Variants in SDK1 observed in about 807,000 individuals in gnomAD.
SDK1 encodes protein sidekick-1.
SDK1 carries 157 observed loss-of-function variants against 245.5 expected under a neutral mutation model. That is an observed-to-expected ratio of 0.64 (90% CI 0.56 to 0.73). The LOEUF (loss-of-function observed/expected upper bound fraction) is 0.73, where lower values mean the gene tolerates loss of function less well. Ranked by LOEUF, SDK1 falls within the 30% of genes least tolerant of loss-of-function variation. The pLI is 0.00. For missense variants in SDK1, 3,583 were observed against 3,002.3 expected (o/e 1.19, Z -4.52); for synonymous variants, 1,647 against 1,278.5 (o/e 1.29, Z -6.15).
chr7:4,060,772 T>C (rs1779488013), intron 19 of SDK1, among the ~76,000 whole-genome samples: 1 of 152,228 alleles, frequency 6.6e-6, no homozygotes, highest in Non-Finnish European at 1.5e-5. Flanking sequence ...TTTATGGTTT[T>C]AGGTCTAACG....
At chr7:4,027,119 G>A (rs1054922153) in intron 17 of SDK1, among the ~76,000 whole-genome samples, 11 of 152,332 alleles carry the variant, frequency 7.2e-5, no homozygotes, top group African/African-American at 2.6e-4. Flanking sequence ...TCGGCTCCCA[G>A]CCCCTGGCTT....
chr7:3,648,219 A>G (rs1782907316), intron 4 of SDK1, among the ~76,000 whole-genome samples: 1 of 152,136 alleles, frequency 6.6e-6, no homozygotes. Context: ...TATCGATGCC[A>G]TGCTGTACTT....
intron 1 of SDK1, among the ~76,000 whole-genome samples, chr7:3,308,912 A>G (rs766413971): frequency 1.3e-5 from 2 of 152,144 alleles, no homozygotes; most frequent in African/African-American, 4.8e-5. Flanking sequence ...TAACCACGTA[A>G]TGACTATGGT....
intron 14 of SDK1, among the ~76,000 whole-genome samples, chr7:4,004,453 T>C (rs1178196729): frequency 6.6e-6 from 1 of 152,226 alleles, no homozygotes; most frequent in Non-Finnish European, 1.5e-5. Context: ...CTCATTCATA[T>C]AAAAATGCAA....
intron 1 of SDK1, among the ~76,000 whole-genome samples, chr7:3,503,409 G>C (rs1021757578): frequency 6.6e-6 from 1 of 152,166 alleles, no homozygotes; most frequent in Non-Finnish European, 1.5e-5. Flanking sequence ...GTGGGGTGTG[G>C]TGGCTCATGC....
intron 1 of SDK1, among the ~76,000 whole-genome samples, chr7:3,475,276 C>T (rs1261502867): frequency 6.6e-6 from 1 of 152,152 alleles, no homozygotes; most frequent in Non-Finnish European, 1.5e-5. Flanking sequence ...CTTGTTCTCC[C>T]CTCTGTCTGG....
chr7:3,457,811 T>G (rs1780716787), intron 1 of SDK1, among the ~76,000 whole-genome samples: 2 of 152,192 alleles, frequency 1.3e-5, no homozygotes, highest in African/African-American at 2.4e-5. Flanking sequence ...TTACCCTGAT[T>G]CCTTGGACTC....
chr7:3,804,487 A>G (rs1430637376), intron 4 of SDK1, among the ~76,000 whole-genome samples: 1 of 152,192 alleles, frequency 6.6e-6, no homozygotes, highest in Non-Finnish European at 1.5e-5. Context: ...ATATAGCTGT[A>G]TATCTGGTAG....
intron 5 of SDK1, among the ~76,000 whole-genome samples, chr7:3,946,824 A>G (rs1434338731): frequency 6.6e-6 from 1 of 152,200 alleles, no homozygotes; most frequent in Non-Finnish European, 1.5e-5. Context: ...TCTGTGTTTA[A>G]AGGGAGCTGG....
chr7:4,238,030 G>T (rs916480694), intron 42 of SDK1, among the ~76,000 whole-genome samples: 31 of 151,940 alleles, frequency 2.0e-4, no homozygotes, highest in Middle Eastern at 3.2e-3. Context: ...TTGGATAAGG[G>T]CGTATGAGTC....
chr7:3,676,322 C>CTTTT (rs3086109), intron 4 of SDK1, among the ~76,000 whole-genome samples: 1 of 133,338 alleles, frequency 7.5e-6, no homozygotes, highest in African/African-American at 2.8e-5. Flanking sequence ...TCTTCTAGTA[C>CTTTT]TTTTTTTTTT....
chr7:4,018,800 T>C (rs572071950), intron 17 of SDK1, among the ~76,000 whole-genome samples: 5 of 152,242 alleles, frequency 3.3e-5, no homozygotes, highest in African/African-American at 9.6e-5. Context: ...GTGAGTGACA[T>C]GAGCAAAATG....
In SDK1 at chr7:4,113,418, C is replaced by T. The variant is rs931384978; in HGVS notation, c.3564C>T (p.Thr1188=). ...TCACGGTCCGTACTGCCAGTGAGAC[C>T]AGCCTGCGGCTTCGCTGGGTGGTGA... ...TSVTVRTASE[T]SLRLRWVPLP... The change falls in exon 24 of 45, where the codon ACC becomes ACT. Residue 1188 remains threonine (T), a synonymous_variant. Transcript: ENST00000404826. 1 of 1,613,852 alleles carries T rather than the reference C, an allele frequency of 6.2e-7. No individual in the cohort carries two copies. Among genetic ancestry groups the T allele is most frequent in the Non-Finnish European group, 8.5e-7 (1 of 1,180,032 alleles).
chr7:4,181,409 A>G (rs764343760), intron 35 of SDK1, among the ~76,000 whole-genome samples: 35 of 151,890 alleles, frequency 2.3e-4, no homozygotes, highest in Non-Finnish European at 4.7e-4. Context: ...AGTGTGGGAG[A>G]GCGAAGAGCT....
At chr7:3,928,031 T>C (rs1014403204) in intron 5 of SDK1, among the ~76,000 whole-genome samples, 14 of 152,308 alleles carry the variant, frequency 9.2e-5, no homozygotes, top group Admixed American at 6.5e-4. Flanking sequence ...CACTAGGAAA[T>C]TGACGACTTA....
At chr7:3,658,996 C>T (rs1318706198) in intron 4 of SDK1, among the ~76,000 whole-genome samples, 1 of 152,134 alleles carries the variant, frequency 6.6e-6, no homozygotes, top group Non-Finnish European at 1.5e-5. Flanking sequence ...CATCTTTCTT[C>T]CCACTTCTCA....
chr7:3,978,608 T>C (rs955648243), intron 13 of SDK1, among the ~76,000 whole-genome samples: 10 of 152,162 alleles, frequency 6.6e-5, no homozygotes, highest in Non-Finnish European at 1.3e-4. Flanking sequence ...TGTCTTTAGA[T>C]CCAACAGAGC....
In SDK1 at chr7:3,625,942, C is replaced by CTTTT. The variant is rs3086084; in HGVS notation, c.458+6717_458+6720dup. 9.8e-3 allele frequency among the ~76,000 whole-genome samples: 1,270 copies of CTTTT among 129,708 alleles called. 26 individuals are homozygous for CTTTT. The highest frequency in any genetic ancestry group is 0.018 in the African/African-American group (619 of 34,360). 85.1% of individuals were successfully genotyped at this position (129,708 alleles called of 152,430 possible). A position where few individuals can be genotyped will look rare whatever the true frequency, so the allele number is the denominator to read the frequency against. ...GGATTTTTCTTTCTTTCTTTTCTTTCTTTTTTTTTTTTTTTTTGAGGGAGA... is the reference window on the plus strand; with the variant it reads ...GGATTTTTCTTTCTTTCTTTTCTTTCTTTTTTTTTTTTTTTTTTTTTGAGGGAGA... On this transcript the variant is annotated intron_variant, in intron 2 of 44. Transcript: ENST00000404826.
chr7:3,493,336 C>G lies in SDK1; in HGVS notation c.299-125744C>G, dbSNP rs572336851. 3.3e-5 allele frequency among the ~76,000 whole-genome samples: 5 copies of G among 152,336 alleles called. No homozygotes were observed. In the South Asian group the frequency reaches 6.2e-4, roughly 19 times the overall value. On this transcript the variant is annotated intron_variant, in intron 1 of 44. Coordinates refer to ENST00000404826, the MANE Select transcript of SDK1 (RefSeq NM_152744.4). ...GTCCATTCAGGACATTTCTTCACAG[C>G]TAAACTCTACCTCAGTTTTTAATCT...
Sources: gnomAD v4.1 joint callset for allele counts (sites outside exome capture counted in the v4.1 genomes callset) on GRCh38, gnomAD v4.1.1 for gene constraint, MANE v1.5 for transcripts, NCBI Gene and HGNC (gene_info 2026-07-23, HGNC 2026-07-21) for gene names.